RSPH1: variants seen among roughly 807,000 people sequenced by gnomAD.
RSPH1 encodes the protein radial spoke head 1 homolog.
A neutral mutation model predicts 44.2 loss-of-function variants in RSPH1; 32 were observed. The ratio of observed to expected loss-of-function variants is 0.72; its 90% CI spans 0.55 to 0.97. RSPH1 has a LOEUF of 0.97. Ranked by LOEUF, RSPH1 falls within the 50% of genes least tolerant of loss-of-function variation. The pLI, the probability that RSPH1 is intolerant of heterozygous loss-of-function variation, is 0.00. For missense variants in RSPH1, 391 were observed against 398.7 expected (o/e 0.98, Z 0.16); for synonymous variants, 134 against 147.3 (o/e 0.91, Z 0.65).
At chr21:42,494,862 G>A (rs998511025) in intron 1 of RSPH1, among the ~76,000 whole-genome samples, 1 of 152,044 alleles carries the variant, frequency 6.6e-6, no homozygotes, top group Non-Finnish European at 1.5e-5. Context: ...ACCATGCCCG[G>A]CTAATTTTTT....
intron 8 of RSPH1, 25 bp downstream of exon 8, chr21:42,475,873 C>G: frequency 6.2e-7 from 1 of 1,607,684 alleles, no homozygotes; most frequent in Non-Finnish European, 8.5e-7. Flanking sequence ...GGCCCTCGCC[C>G]CACTTCCCTG....
intron 7 of RSPH1, among the ~76,000 whole-genome samples, chr21:42,476,332 G>T (rs1235451806): frequency 6.6e-6 from 1 of 152,138 alleles, no homozygotes; most frequent in Non-Finnish European, 1.5e-5. Context: ...GTCCCCTGGG[G>T]TTCCTGAGAG....
In RSPH1 at chr21:42,486,407, T is replaced by G; in HGVS notation, c.329A>C (p.Asn110Thr). The change falls in exon 4 of 9, where the codon AAT becomes ACT. Residue 110 changes from asparagine (N) to threonine (T), a missense_variant. Transcript: ENST00000291536. ...AAACCACTCTCCAGTGTAGGTGTCA[T>G]TATTGATGTAGTAGTATACGCCATG... is the stretch of plus-strand genomic sequence containing the variant. ...HGHGVYYYIN[N>T]DTYTGEWFAH... 1 of 1,613,964 alleles carries G rather than the reference T, an allele frequency of 6.2e-7. No individual in the cohort carries two copies. The highest frequency in any genetic ancestry group is 8.5e-7 in the Non-Finnish European group (1 of 1,179,878).
chr21:42,489,101 C>T (rs1181423708), intron 3 of RSPH1, among the ~76,000 whole-genome samples: 2 of 144,750 alleles, frequency 1.4e-5, no homozygotes, highest in East Asian at 4.1e-4. Flanking sequence ...GGTTGGTTGG[C>T]TGGCTGGTTG....
At chr21:42,484,806 A>G (rs2054162157) in intron 5 of RSPH1, 1 of 152,150 alleles carries the variant, frequency 6.6e-6, no homozygotes, top group Non-Finnish European at 1.5e-5. Context: ...TTTGCTGGGA[A>G]TTATATAAAC....
In RSPH1 at chr21:42,477,209, GCCCCACA is replaced by G. The variant is rs1294097050; in HGVS notation, c.727+75_727+81del. ...CCCCTCCACCCCACAGCCCGGGGAT[GCCCCACA>G]CCCTCTGTCCCACAGCCCGGGGGTG... On this transcript the variant is annotated intron_variant, in intron 7 of 8. Coordinates refer to ENST00000291536, the MANE Select transcript of RSPH1 (RefSeq NM_080860.4). 2.1e-4 allele frequency: 25 copies of G among 120,034 alleles called. 7 individuals are homozygous for G. Among genetic ancestry groups the G allele is most frequent in the Middle Eastern group, 3.9e-3 (1 of 258 alleles). 7.4% of individuals were successfully genotyped at this position (120,034 alleles called of 1,614,324 possible).
chr21:42,488,095 A>AT (rs1171589855), intron 3 of RSPH1, among the ~76,000 whole-genome samples: 9 of 152,346 alleles, frequency 5.9e-5, no homozygotes, highest in Admixed American at 3.3e-4. Context: ...ATTCATGGAG[A>AT]GAGGGAAGGT....
intron 6 of RSPH1, among the ~76,000 whole-genome samples, chr21:42,481,807 C>G (rs747304001): frequency 6.6e-6 from 1 of 152,160 alleles, no homozygotes; most frequent in African/African-American, 2.4e-5. Flanking sequence ...AACACACATA[C>G]GCATCTCGAT....
In RSPH1 at chr21:42,493,084, G is replaced by A; in HGVS notation, c.55-5C>T. The A allele has an allele frequency of 6.2e-7, 1 of 1,611,358 alleles. No individual in the cohort carries two copies. The highest frequency in any genetic ancestry group is 1.1e-5 in the South Asian group (1 of 90,860). On this transcript the variant is annotated splice_region_variant and splice_polypyrimidine_tract_variant and intron_variant, in intron 1 of 8. Coordinates refer to ENST00000291536, the MANE Select transcript of RSPH1 (RefSeq NM_080860.4). ...ATTCCGACCCCCCTCATATTCCTGG[G>A]TAATGAAAATTGACACAATTACAGC... is the stretch of plus-strand genomic sequence containing the variant.
Position 42,472,810 on chromosome 21 carries a change from A to G in RSPH1, c.*8T>C. ...TTATGATACGATCTCCTCTCGGCTCACTTCATCTTAGTCCTGGAGGTCTGA... is the reference window on the plus strand; with the variant it reads ...TTATGATACGATCTCCTCTCGGCTCGCTTCATCTTAGTCCTGGAGGTCTGA... On this transcript the variant is annotated 3_prime_UTR_variant, in exon 9 of 9. Coordinates refer to ENST00000291536, the MANE Select transcript of RSPH1 (RefSeq NM_080860.4). 3 of 1,604,840 alleles carry G rather than the reference A, an allele frequency of 1.9e-6. No homozygotes were observed. Among genetic ancestry groups the G allele is most frequent in the Non-Finnish European group, 2.6e-6 (3 of 1,172,064 alleles).
intron 7 of RSPH1, 57 bp downstream of exon 7, chr21:42,477,208 TGCCCCACACCCTCTGTCCCACAGCCC>T (rs2054071096): frequency 5.7e-6 from 1 of 174,326 alleles, no homozygotes; most frequent in African/African-American, 1.5e-4. Flanking sequence ...AGCCCGGGGA[TGCCCCACACCCTCTGTCCCACAGCCC>T]GGGGGTGCCC....
chr21:42,491,308 T>A (rs1249106208), intron 3 of RSPH1, among the ~76,000 whole-genome samples: 2 of 152,182 alleles, frequency 1.3e-5, no homozygotes, highest in African/African-American at 4.8e-5. Flanking sequence ...AGAATGGAGT[T>A]GCATCATTGG....
rs141014982 is a variant in RSPH1 at position 42,483,922 on chromosome 21, C to T, written c.502-1214G>A. 5.8e-4 allele frequency among the ~76,000 whole-genome samples: 88 copies of T among 152,262 alleles called. 1 individual carries two copies. The highest frequency in any genetic ancestry group is 1.8e-3 in the African/African-American group (74 of 41,554). On this transcript the variant is annotated intron_variant, in intron 5 of 8. Coordinates refer to ENST00000291536, the MANE Select transcript of RSPH1 (RefSeq NM_080860.4). ...CCATCATCCCTTTGTTAATTTGACA[C>T]GCTTATTGTGTGTGAAATTATTTTA... is the stretch of plus-strand genomic sequence containing the variant.
At chr21:42,490,272 T>A (rs1458153578) in intron 3 of RSPH1, among the ~76,000 whole-genome samples, 1 of 152,232 alleles carries the variant, frequency 6.6e-6, no homozygotes. Flanking sequence ...TGTGTGACCA[T>A]CTGGGAGACA....
chr21:42,476,175 T>C, intron 7 of RSPH1, 128 bp from the exon 8 acceptor site: 1 of 884,960 alleles, frequency 1.1e-6, no homozygotes. Flanking sequence ...CACCTCATGT[T>C]CCCCATCTCA....
In RSPH1 at chr21:42,477,327, T is replaced by C; in HGVS notation, c.691A>G (p.Thr231Ala). ...GGAGCGTCTTGGCCAGGTCCATCCG[T>C]AGAGGTCGGCTTTTTGGGGAGAGTT... The part of the protein sequence containing the change: ...TPTLPKKPTS[T>A]DGPGQDAPGA... The change falls in exon 7 of 9, where the codon ACG (threonine) becomes GCG (alanine). Residue 231 changes from threonine to alanine, a missense_variant. Thr to Ala is a moderately conservative substitution (Grantham distance 58). Coordinates refer to ENST00000291536, the MANE Select transcript of RSPH1 (RefSeq NM_080860.4). The C allele has an allele frequency of 6.2e-7, 1 of 1,607,938 alleles. No homozygotes were observed. Among genetic ancestry groups the C allele is most frequent in the Non-Finnish European group, 8.5e-7 (1 of 1,176,798 alleles).
rs1318741054 is a variant in RSPH1, at chr21:42,477,398, G to T, written c.620C>A (p.Pro207Gln). 1 of 1,614,112 alleles carries T rather than the reference G, an allele frequency of 6.2e-7. No individual in the cohort carries two copies. The highest frequency in any genetic ancestry group is 1.7e-5 in the Admixed American group (1 of 60,032). Residue 207 changes from proline to glutamine, a missense_variant, in exon 7 of 9, where the codon CCA becomes CAA. Coordinates refer to ENST00000291536, the MANE Select transcript of RSPH1 (RefSeq NM_080860.4). Reference protein sequence around the residue: ...EEEEELVTVVPKWKATQITEL... With the variant: ...EEEEELVTVVQKWKATQITEL... The stretch of plus-strand genomic sequence containing the variant: ...AGTGATTTGGGTAGCTTTCCATTTT[G>T]GAACAACAGTTACTAATTCTTCCTC...
intron 6 of RSPH1, among the ~76,000 whole-genome samples, chr21:42,481,815 G>A (rs1177444014): frequency 2.0e-5 from 3 of 152,152 alleles, no homozygotes; most frequent in Admixed American, 6.5e-5. Context: ...TACGCATCTC[G>A]ATGCCTTATA....
intron 1 of RSPH1, among the ~76,000 whole-genome samples, chr21:42,495,208 A>C (rs2054275664): frequency 6.6e-6 from 1 of 152,204 alleles, no homozygotes; most frequent in Non-Finnish European, 1.5e-5. Flanking sequence ...TGTGAATTTC[A>C]GGCACTTCTG....
Sources: allele counts gnomAD v4.1 joint callset (sites outside exome capture counted in the v4.1 genomes callset), GRCh38; gene constraint gnomAD v4.1.1; transcripts MANE v1.5; gene names NCBI Gene and HGNC (gene_info 2026-07-23, HGNC 2026-07-21).